MTUS2: variants seen among roughly 807,000 people sequenced by gnomAD.
The protein encoded by MTUS2 is microtubule-associated tumor suppressor candidate 2.
Under a neutral mutation model 114.1 loss-of-function variants are expected in MTUS2, and 40 were observed. The ratio of observed to expected loss-of-function variants is 0.35; its 90% CI spans 0.27 to 0.46. MTUS2 has a LOEUF of 0.46. Ranked by LOEUF, MTUS2 falls within the 20% of genes least tolerant of loss-of-function variation. MTUS2 has a pLI of 1.00. For synonymous variants in MTUS2, 688 were observed against 672.0 expected (o/e 1.02, Z -0.37); for missense variants, 1,679 against 1,705.4 (o/e 0.98, Z 0.27).
intron 8 of MTUS2, among the ~76,000 whole-genome samples, chr13:29,404,680 C>T (rs1874620837): frequency 6.6e-6 from 1 of 152,162 alleles, no homozygotes; most frequent in Non-Finnish European, 1.5e-5. Context: ...TCCTGAACTA[C>T]CTCTAGAGCT....
At chr13:28,933,909 G>T (rs566094597) in intron 2 of MTUS2, among the ~76,000 whole-genome samples, 2 of 152,224 alleles carry the variant, frequency 1.3e-5, no homozygotes, top group East Asian at 1.9e-4. Flanking sequence ...TTCTCTGTTG[G>T]AAAATGACTT....
chr13:29,389,362 TGC>T lies in MTUS2; in HGVS notation c.3117+29890_3117+29891del, dbSNP rs1170444895. On this transcript the variant is annotated intron_variant, in intron 8 of 15. Transcript: ENST00000612955. ...GTATGCACGTGTGTGTATATATGTA[TGC>T]ACGTGTGTGTATATATGTATACACG... Among the ~76,000 whole-genome samples the T allele has an allele frequency of 6.9e-3, 534 of 77,262 alleles. 100 individuals carry two copies. The highest frequency in any genetic ancestry group is 0.029 in the African/African-American group (508 of 17,320). 50.7% of individuals were successfully genotyped at this position (77,262 alleles called of 152,430 possible). A position where few individuals can be genotyped will look rare whatever the true frequency, so the allele number is the denominator to read the frequency against.
At chr13:29,350,406 A>C (rs1869129833) in intron 7 of MTUS2, among the ~76,000 whole-genome samples, 1 of 151,298 alleles carries the variant, frequency 6.6e-6, no homozygotes, top group Non-Finnish European at 1.5e-5. Flanking sequence ...GGCCACCCAC[A>C]TTCCTTGCTG....
chr13:29,230,889 A>G (rs1014307384), intron 5 of MTUS2, among the ~76,000 whole-genome samples: 3 of 152,216 alleles, frequency 2.0e-5, no homozygotes, highest in Admixed American at 6.5e-5. Flanking sequence ...GCAGCATCAC[A>G]CAAGAATGGC....
chr13:29,052,561 C>A (rs548456871), intron 4 of MTUS2, among the ~76,000 whole-genome samples: 12 of 151,844 alleles, frequency 7.9e-5, no homozygotes, highest in African/African-American at 2.9e-4. Flanking sequence ...ATGGTCCAAG[C>A]AAATGGACAA....
chr13:28,930,944 T>C (rs896742812), intron 2 of MTUS2, among the ~76,000 whole-genome samples: 1 of 152,196 alleles, frequency 6.6e-6, no homozygotes, highest in Admixed American at 6.5e-5. Flanking sequence ...TTATAGCTGT[T>C]TGTTTTAGAA....
chr13:29,235,503 C>T (rs892287965), intron 5 of MTUS2, among the ~76,000 whole-genome samples: 5 of 152,126 alleles, frequency 3.3e-5, no homozygotes, highest in South Asian at 4.1e-4. Flanking sequence ...TATTATCTCA[C>T]TTGAGCTTTA....
rs145255267 is a variant in MTUS2, at chr13:28,929,205, G to A, written c.-243+89355G>A. On this transcript the variant is annotated intron_variant, in intron 2 of 15. Coordinates refer to ENST00000612955, the MANE Select transcript of MTUS2 (RefSeq NM_001033602.4). ...GGTTGAAGGAGAGGTTCATTAATAGGTAGAAATGTACAGTTAGCTCAAAGA... is the reference window on the plus strand; with the variant it reads ...GGTTGAAGGAGAGGTTCATTAATAGATAGAAATGTACAGTTAGCTCAAAGA... Among the ~76,000 whole-genome samples, 291 of 152,266 alleles carry A rather than the reference G, an allele frequency of 1.9e-3. 1 individual carries two copies. The highest frequency in any genetic ancestry group is 6.7e-3 in the African/African-American group (280 of 41,554).
At chr13:29,172,072 C>A (rs749288557) in intron 5 of MTUS2, among the ~76,000 whole-genome samples, 1 of 152,148 alleles carries the variant, frequency 6.6e-6, no homozygotes, top group African/African-American at 2.4e-5. Context: ...AGGGAAACAA[C>A]CAGCTGTCTC....
At chr13:28,877,191 A>C (rs369557110) in intron 2 of MTUS2, among the ~76,000 whole-genome samples, 17 of 151,108 alleles carry the variant, frequency 1.1e-4, no homozygotes, top group African/African-American at 3.9e-4. Context: ...GGTGGCGGGC[A>C]CCTGTAGTCC....
intron 8 of MTUS2, 83 bp downstream of exon 8, chr13:29,359,556 C>T: frequency 6.9e-7 from 1 of 1,457,886 alleles, no homozygotes. Context: ...GTGTATGTTG[C>T]TGTTTTGGGT....
intron 10 of MTUS2, among the ~76,000 whole-genome samples, chr13:29,481,832 G>A (rs981521855): frequency 5.9e-5 from 9 of 152,268 alleles, no homozygotes; most frequent in East Asian, 1.9e-4. Flanking sequence ...CCTGTTTGAG[G>A]TGGGTTAGAC....
chr13:29,004,055 C>T (rs1210080081), intron 2 of MTUS2, among the ~76,000 whole-genome samples: 1 of 152,166 alleles, frequency 6.6e-6, no homozygotes, highest in Non-Finnish European at 1.5e-5. Context: ...TTCTTGCCTC[C>T]ACCAGGACTG....
chr13:29,423,552 A>C (rs2388068), intron 8 of MTUS2, among the ~76,000 whole-genome samples: 85,135 of 152,106 alleles, frequency 0.56, 25,051 homozygotes, highest in Middle Eastern at 0.67. Context: ...GCATCAAAAA[A>C]CAGTAATTAG....
intron 6 of MTUS2, among the ~76,000 whole-genome samples, chr13:29,289,386 G>A (rs976533526): frequency 1.3e-5 from 2 of 152,112 alleles, no homozygotes; most frequent in African/African-American, 4.8e-5. Context: ...AAAAATGTGT[G>A]GGGATAATAG....
At chr13:29,324,873 A>C (rs1900414965) in intron 7 of MTUS2, among the ~76,000 whole-genome samples, 162 bp downstream of exon 7, 1 of 152,212 alleles carries the variant, frequency 6.6e-6, no homozygotes, top group Non-Finnish European at 1.5e-5. Context: ...GATGAAATGA[A>C]CCAGCTGTTC....
chr13:29,290,699 AC>A (rs1898673577), intron 6 of MTUS2, among the ~76,000 whole-genome samples: 1 of 152,030 alleles, frequency 6.6e-6, no homozygotes, highest in South Asian at 2.1e-4. Flanking sequence ...CTCTGGTGAC[AC>A]CTGTCTCTCC....
chr13:29,296,004 A>G (rs181920861), intron 6 of MTUS2, among the ~76,000 whole-genome samples: 99 of 152,264 alleles, frequency 6.5e-4, no homozygotes, highest in African/African-American at 2.3e-3. Context: ...ACACAGCCAA[A>G]CCATATCATT....
intron 5 of MTUS2, among the ~76,000 whole-genome samples, chr13:29,239,111 C>T (rs1295453514): frequency 6.6e-6 from 1 of 152,078 alleles, no homozygotes; most frequent in Non-Finnish European, 1.5e-5. Flanking sequence ...GTGTTCTCAC[C>T]ACAGACACAC....
Sources: allele counts gnomAD v4.1 joint callset (sites outside exome capture counted in the v4.1 genomes callset), GRCh38; gene constraint gnomAD v4.1.1; transcripts MANE v1.5; gene names NCBI Gene and HGNC (gene_info 2026-07-23, HGNC 2026-07-21).